The following GOLIM4 variants were observed in gnomAD, a reference collection of about 807,000 sequenced individuals.
GOLIM4 encodes 130 kDa golgi-localized phosphoprotein.
Under a neutral mutation model 107.4 loss-of-function variants are expected in GOLIM4, and 71 were observed. The observed-to-expected ratio is 0.66, with a 90% CI of 0.55 to 0.81. GOLIM4 has a LOEUF of 0.81. Ranked by LOEUF, GOLIM4 falls within the 30% of genes least tolerant of loss-of-function variation. The pLI, the probability that GOLIM4 is intolerant of heterozygous loss-of-function variation, is 0.00. For synonymous variants in GOLIM4, 327 were observed against 294.8 expected, an observed-to-expected ratio of 1.11 and a Z score of -1.12; for missense variants, 830 against 826.1, an observed-to-expected ratio of 1.00 and a Z score of -0.06.
chr3:168,047,754 A>G (rs534886519), intron 2 of GOLIM4, among the ~76,000 whole-genome samples: 1 of 152,356 alleles, frequency 6.6e-6, no homozygotes, highest in Non-Finnish European at 1.5e-5. Flanking sequence ...AGCATTGCCC[A>G]GTGGCTGTCC....
At chr3:168,084,685 T>C (rs1210095094) in intron 1 of GOLIM4, among the ~76,000 whole-genome samples, 2 of 152,186 alleles carry the variant, frequency 1.3e-5, no homozygotes, top group Non-Finnish European at 2.9e-5. Flanking sequence ...AGATAACTAA[T>C]ATAGATTTTG....
chr3:168,085,051 T>C (rs999582346), intron 1 of GOLIM4, among the ~76,000 whole-genome samples: 1 of 152,066 alleles, frequency 6.6e-6, no homozygotes, highest in African/African-American at 2.4e-5. Flanking sequence ...CTTCTTACTG[T>C]CTTATGGTAA....
chr3:168,023,843 A>T (rs932164574), intron 14 of GOLIM4, among the ~76,000 whole-genome samples: 2 of 152,244 alleles, frequency 1.3e-5, no homozygotes, highest in African/African-American at 4.8e-5. Context: ...ATGCAGCACC[A>T]CAATAATCAA....
chr3:168,062,512 C>T (rs1018067861), intron 1 of GOLIM4, among the ~76,000 whole-genome samples: 1 of 151,962 alleles, frequency 6.6e-6, no homozygotes, highest in South Asian at 2.1e-4. Context: ...CTGCCATACC[C>T]TTTTTTAAAA....
At chr3:168,027,954 T>C in intron 11 of GOLIM4, 117 bp from the exon 12 acceptor site, 1 of 690,016 alleles carries the variant, frequency 1.4e-6, no homozygotes, top group Non-Finnish European at 2.6e-6. Flanking sequence ...CCACCTCTGT[T>C]AACTCAACAT....
At chr3:168,050,773 G>A (rs543802943) in intron 1 of GOLIM4, among the ~76,000 whole-genome samples, 12 of 150,866 alleles carry the variant, frequency 8.0e-5, no homozygotes, top group Non-Finnish European at 1.6e-4. Context: ...AGATCCTACA[G>A]CAGCAAAGTC....
chr3:168,078,952 TG>T (rs869287589), intron 1 of GOLIM4, among the ~76,000 whole-genome samples: 1 of 41,586 alleles, frequency 2.4e-5, no homozygotes, highest in Non-Finnish European at 5.6e-5. Flanking sequence ...TTTTTACTTT[TG>T]GTCATATTTT....
intron 14 of GOLIM4, 110 bp from the exon 15 acceptor site, chr3:168,010,933 C>T (rs2108202562): frequency 1.3e-6 from 1 of 798,298 alleles, no homozygotes; most frequent in African/African-American, 1.7e-5. Context: ...ATTTTGATTT[C>T]CAAAAAGTTC....
intron 1 of GOLIM4, among the ~76,000 whole-genome samples, chr3:168,079,977 C>G (rs553441658): frequency 9.5e-4 from 145 of 152,116 alleles, no homozygotes; most frequent in Non-Finnish European, 1.6e-3. Flanking sequence ...TCTAAAATTA[C>G]CTTTGTATTA....
intron 14 of GOLIM4, among the ~76,000 whole-genome samples, chr3:168,017,051 A>T (rs867841029): frequency 3.0e-4 from 45 of 152,322 alleles, no homozygotes; most frequent in African/African-American, 8.4e-4. Context: ...ATAATAATAA[A>T]AAAAAGAAAT....
chr3:168,010,509 T>A (rs1716941571), intron 15 of GOLIM4, 91 bp from the exon 16 acceptor site: 2 of 948,492 alleles, frequency 2.1e-6, no homozygotes, highest in South Asian at 1.6e-5. Context: ...AAATTACTCA[T>A]TTTTGGAGGA....
Position 168,095,265 on chromosome 3 carries a change from G to T in GOLIM4, c.21C>A (p.Ser7=). The part of the protein sequence containing the change: MGNGMC[S]RKQKRIFQTL... The stretch of plus-strand genomic sequence containing the variant: ...TCTGGAAAATCCGCTTCTGCTTTCG[G>T]GAGCACATCCCGTTTCCCATAGTCC... The change falls in exon 1 of 16, where the codon TCC becomes TCA. Residue 7 remains serine, a synonymous_variant. Transcript: ENST00000470487. 1 of 1,613,042 alleles carries T rather than the reference G, an allele frequency of 6.2e-7. No individual in the cohort carries two copies. Among genetic ancestry groups the T allele is most frequent in the Non-Finnish European group, 8.5e-7 (1 of 1,179,932 alleles).
At chr3:168,042,667 C>G (rs1719084337) in intron 5 of GOLIM4, among the ~76,000 whole-genome samples, 1 of 152,238 alleles carries the variant, frequency 6.6e-6, no homozygotes, top group African/African-American at 2.4e-5. Flanking sequence ...TTCTCCAGGA[C>G]TCACATGCAC....
rs1165821072 is a variant in GOLIM4, at chr3:168,024,547, G to A, written c.1839C>T (p.Tyr613=). The change falls in exon 14 of 16, where the codon TAC becomes TAT. Residue 613 remains tyrosine, a synonymous_variant. Coordinates refer to ENST00000470487, the MANE Select transcript of GOLIM4 (RefSeq NM_014498.5). ...CTACCTCCTCTTCTGCCTCTTCCTG[G>A]TACTGTTCATCAACATTGTCCTCCT... ...DQQEDNVDEQ[Y]QEEAEEEVQE... 1.2e-6 allele frequency: 2 copies of A among 1,612,494 alleles called. No homozygotes were observed. The highest frequency in any genetic ancestry group is 1.7e-6 in the Non-Finnish European group (2 of 1,178,720).
chr3:168,090,184 C>A (rs1007375370), intron 1 of GOLIM4, among the ~76,000 whole-genome samples: 2 of 151,786 alleles, frequency 1.3e-5, no homozygotes, highest in East Asian at 1.9e-4. Context: ...GAGCCCAATG[C>A]AAAAAACACT....
intron 1 of GOLIM4, among the ~76,000 whole-genome samples, chr3:168,061,908 C>A (rs1041895673): frequency 4.6e-5 from 7 of 152,102 alleles, no homozygotes; most frequent in Non-Finnish European, 1.0e-4. Flanking sequence ...TGAGAGCTGG[C>A]TACACTGTTT....
intron 8 of GOLIM4, among the ~76,000 whole-genome samples, chr3:168,035,839 A>G (rs1024756665): frequency 2.6e-5 from 4 of 151,886 alleles, no homozygotes; most frequent in African/African-American, 9.7e-5. Context: ...TTTTTTTATT[A>G]CAGATGATTG....
chr3:168,013,097 A>G (rs1291114969), intron 14 of GOLIM4, among the ~76,000 whole-genome samples: 1 of 151,400 alleles, frequency 6.6e-6, no homozygotes, highest in African/African-American at 2.5e-5. Context: ...AGACTGGCAA[A>G]TTGGATGAAG....
chr3:168,040,912 C>T (rs376875714), intron 6 of GOLIM4, 43 bp from the exon 7 acceptor site: 39 of 1,281,446 alleles, frequency 3.0e-5, no homozygotes, highest in African/African-American at 1.6e-4. Context: ...TAACATTCTA[C>T]GACAAATTCT....
Sources: allele counts gnomAD v4.1 joint callset (sites outside exome capture counted in the v4.1 genomes callset), GRCh38; gene constraint gnomAD v4.1.1; transcripts MANE v1.5; gene names NCBI Gene and HGNC (gene_info 2026-07-23, HGNC 2026-07-21).